LRP1B: variants seen among roughly 807,000 people sequenced by gnomAD.
LRP1B encodes low-density lipoprotein receptor-related protein 1B.
A neutral mutation model predicts 556.6 loss-of-function variants in LRP1B; 217 were observed. That is an observed-to-expected ratio of 0.39 (90% CI 0.35 to 0.44). The LOEUF (loss-of-function observed/expected upper bound fraction) is 0.44. Among genes scored for constraint, LRP1B ranks in the 20% least tolerant of loss-of-function variants. The pLI is 1.00. For synonymous variants in LRP1B, 2,047 were observed against 1,865.8 expected, an observed-to-expected ratio of 1.10 and a Z score of -2.50; for missense variants, 5,053 against 5,620.8, an observed-to-expected ratio of 0.90 and a Z score of 3.23.
At chr2:141,210,738 T>C (rs300356) in intron 6 of LRP1B, among the ~76,000 whole-genome samples, 132,766 of 152,130 alleles carry the variant, frequency 0.87, 59,003 homozygotes, top group Middle Eastern at 0.96. Context: ...AAGTTTGATA[T>C]GGCATCAAGC....
chr2:140,812,995 T>C (rs140486771), intron 32 of LRP1B, among the ~76,000 whole-genome samples: 3 of 152,158 alleles, frequency 2.0e-5, no homozygotes, highest in Admixed American at 6.6e-5. Context: ...ATTCAAACTA[T>C]CTTTTTAAAC....
intron 1 of LRP1B, among the ~76,000 whole-genome samples, chr2:142,115,485 ATATAAT>A (rs1707157924): frequency 2.2e-5 from 1 of 45,254 alleles, no homozygotes; most frequent in South Asian, 4.6e-4. Context: ...TACATATAAT[ATATAAT>A]TATATATAAT....
intron 66 of LRP1B, among the ~76,000 whole-genome samples, chr2:140,437,925 GTTATATAAC>G (rs1344066965): frequency 6.6e-6 from 1 of 152,000 alleles, no homozygotes; most frequent in East Asian, 1.9e-4. Context: ...GAATATATTT[GTTATATAAC>G]TTATATAACA....
At chr2:141,248,392 C>T (rs749341360) in intron 4 of LRP1B, among the ~76,000 whole-genome samples, 13 of 152,072 alleles carry the variant, frequency 8.5e-5, no homozygotes, top group East Asian at 1.9e-4. Flanking sequence ...GGGGTATACT[C>T]GAGTTATGAT....
chr2:141,419,071 T>C (rs934727969), intron 3 of LRP1B, among the ~76,000 whole-genome samples: 5 of 152,114 alleles, frequency 3.3e-5, no homozygotes, highest in African/African-American at 1.2e-4. Flanking sequence ...ATTTTACTGA[T>C]TTCCAATTTG....
chr2:140,734,300 T>A (rs917789977), intron 35 of LRP1B, among the ~76,000 whole-genome samples: 1 of 152,176 alleles, frequency 6.6e-6, no homozygotes, highest in African/African-American at 2.4e-5. Context: ...CTAGAAAAGG[T>A]AAAGCCTACA....
intron 85 of LRP1B, among the ~76,000 whole-genome samples, chr2:140,273,880 A>G (rs1682565606): frequency 6.6e-6 from 1 of 152,004 alleles, no homozygotes; most frequent in Non-Finnish European, 1.5e-5. Context: ...ATGAAAGTCA[A>G]ACTCGAAGAT....
chr2:140,848,342 GTTT>G (rs1692338514), intron 29 of LRP1B, among the ~76,000 whole-genome samples: 1 of 152,080 alleles, frequency 6.6e-6, no homozygotes, highest in Admixed American at 6.5e-5. Context: ...AAAAATTCTT[GTTT>G]TTCAGCAAGT....
At chr2:140,532,527 G>A (rs1484843649) in intron 47 of LRP1B, among the ~76,000 whole-genome samples, 1 of 151,996 alleles carries the variant, frequency 6.6e-6, no homozygotes, top group Non-Finnish European at 1.5e-5. Flanking sequence ...ATCCCGAGTA[G>A]CTGGGACTAC....
chr2:141,612,442 G>C (rs1256132790), intron 2 of LRP1B, among the ~76,000 whole-genome samples: 1 of 152,144 alleles, frequency 6.6e-6, no homozygotes, highest in Non-Finnish European at 1.5e-5. Context: ...AAACTACATA[G>C]GGTAGAGTTG....
chr2:141,392,481 AGAG>A (rs1276946254), intron 3 of LRP1B, among the ~76,000 whole-genome samples: 2,434 of 144,670 alleles, frequency 0.017, 84 homozygotes, highest in African/African-American at 0.059. Flanking sequence ...AAAAAAAAAA[AGAG>A]AGACTGTCAC....
intron 10 of LRP1B, among the ~76,000 whole-genome samples, chr2:141,049,535 C>T (rs917868548): frequency 3.3e-5 from 5 of 152,108 alleles, no homozygotes; most frequent in East Asian, 1.9e-4. Flanking sequence ...ATTAAAACAT[C>T]GGGCACATTT....
intron 59 of LRP1B, among the ~76,000 whole-genome samples, chr2:140,481,771 T>G (rs2105356983): frequency 6.6e-6 from 1 of 152,172 alleles, no homozygotes; most frequent in East Asian, 1.9e-4. Context: ...TTGCTGTCAT[T>G]TTGTATTATG....
At chr2:140,312,785 TACAA>T (rs1017412896) in intron 83 of LRP1B, among the ~76,000 whole-genome samples, 5 of 152,056 alleles carry the variant, frequency 3.3e-5, no homozygotes, top group Admixed American at 3.3e-4. Flanking sequence ...TGTTCATTAT[TACAA>T]ACAGTAACCT....
At chr2:140,427,968 C>T (rs1397213720) in intron 66 of LRP1B, among the ~76,000 whole-genome samples, 1 of 152,108 alleles carries the variant, frequency 6.6e-6, no homozygotes, top group Non-Finnish European at 1.5e-5. Flanking sequence ...GTGGCTGGAG[C>T]TAAAGGCATA....
At chr2:141,376,228 G>A (rs542372099) in intron 3 of LRP1B, among the ~76,000 whole-genome samples, 9 of 152,280 alleles carry the variant, frequency 5.9e-5, no homozygotes, top group African/African-American at 2.2e-4. Flanking sequence ...CAACATCTCT[G>A]TGCAATCTTT....
intron 3 of LRP1B, among the ~76,000 whole-genome samples, chr2:141,465,837 T>G (rs1270538511): frequency 6.8e-6 from 1 of 147,826 alleles, no homozygotes; most frequent in East Asian, 2.1e-4. Context: ...TGAGCCACTG[T>G]GCCTGGCCTA....
chr2:140,844,962 T>C (rs1171574989), intron 29 of LRP1B, among the ~76,000 whole-genome samples: 1 of 152,164 alleles, frequency 6.6e-6, no homozygotes, highest in Non-Finnish European at 1.5e-5. Flanking sequence ...GTAAAAGGGT[T>C]CAATCCTTAA....
At chr2:141,314,430 T>C (rs918391889) in intron 3 of LRP1B, among the ~76,000 whole-genome samples, 4 of 152,162 alleles carry the variant, frequency 2.6e-5, no homozygotes, top group Non-Finnish European at 5.9e-5. Context: ...AGGGAATGTA[T>C]AGTTAAAAGA....
Sources: allele counts gnomAD v4.1 joint callset (sites outside exome capture counted in the v4.1 genomes callset), GRCh38; gene constraint gnomAD v4.1.1; transcripts MANE v1.5; gene names NCBI Gene and HGNC (gene_info 2026-07-23, HGNC 2026-07-21).